Variants in SPRED1 observed in about 807,000 individuals in gnomAD.
The protein encoded by SPRED1 is sprouty-related, EVH1 domain-containing protein 1.
In SPRED1, 18 loss-of-function variants were observed where a neutral mutation model predicts 52.3. The ratio of observed to expected loss-of-function variants is 0.34; its 90% confidence interval spans 0.24 to 0.51. SPRED1 has a LOEUF of 0.51. Among genes scored for constraint, SPRED1 ranks in the 20% least tolerant of loss-of-function variants. The pLI is 0.97. For missense variants in SPRED1, 485 were observed against 551.0 expected (o/e 0.88, Z 1.20); for synonymous variants, 155 against 179.7 (o/e 0.86, Z 1.10).
chr15:38,275,409 T>C (rs7180363), intron 1 of SPRED1, among the ~76,000 whole-genome samples: 5,055 of 152,278 alleles, frequency 0.033, 287 homozygotes, highest in African/African-American at 0.12. Flanking sequence ...TTAAAGAAGC[T>C]CTAGTTCCTT....
chr15:38,275,560 T>C (rs7180580), intron 1 of SPRED1, among the ~76,000 whole-genome samples: 145,988 of 152,242 alleles, frequency 0.96, 70,270 homozygotes, highest in East Asian at 1. Flanking sequence ...TGCAATGGCG[T>C]GATCTTGGCT....
At chr15:38,257,337 G>A (rs1451913903) in intron 1 of SPRED1, among the ~76,000 whole-genome samples, 1 of 152,076 alleles carries the variant, frequency 6.6e-6, no homozygotes, top group East Asian at 1.9e-4. Flanking sequence ...TGAATTAATG[G>A]AGCCTCATTA....
chr15:38,314,744 T>C (rs187966140), intron 2 of SPRED1, among the ~76,000 whole-genome samples: 140 of 152,042 alleles, frequency 9.2e-4, no homozygotes, highest in Admixed American at 2.4e-3. Context: ...TAACTTGCTG[T>C]TTTTTATATT....
At chr15:38,327,007 A>T (rs1895719467) in intron 4 of SPRED1, among the ~76,000 whole-genome samples, 1 of 152,212 alleles carries the variant, frequency 6.6e-6, no homozygotes, top group Non-Finnish European at 1.5e-5. Flanking sequence ...CAAGAAGGTC[A>T]CATGGCAGTT....
chr15:38,296,691 C>G (rs999587685), intron 1 of SPRED1, among the ~76,000 whole-genome samples: 4 of 152,174 alleles, frequency 2.6e-5, no homozygotes, highest in African/African-American at 9.7e-5. Flanking sequence ...CCAAATCTCT[C>G]TATTCATCTT....
Position 38,287,166 on chromosome 15 carries a change from A to G in SPRED1, c.33-12207A>G, listed in dbSNP as rs1365499853. Among the ~76,000 whole-genome samples the G allele has an allele frequency of 9.2e-5, 14 of 152,210 alleles. 1 individual carries two copies. Among genetic ancestry groups the G allele is most frequent in the Admixed American group, 9.2e-4 (14 of 15,268 alleles). On this transcript the variant is annotated intron_variant, in intron 1 of 6. Transcript: ENST00000299084. ...AGACTAGAAACAATTGAAAAAACAG[A>G]AAAATGCAACAGAGGTCAGAGTTTT...
rs141936733 is a variant in SPRED1 at position 38,279,618 on chromosome 15, C to G, written c.33-19755C>G. Among the ~76,000 whole-genome samples the G allele has an allele frequency of 4.3e-3, 658 of 152,276 alleles. 4 individuals carry two copies. Among genetic ancestry groups the G allele is most frequent in the African/African-American group, 0.015 (637 of 41,548 alleles). ...TCTTTTACTTACCAGTTATGTGGTT[C>G]TGGACTTCTGTAAGCCATAGTTTCC... On this transcript the variant is annotated intron_variant, in intron 1 of 6. Coordinates refer to ENST00000299084, the MANE Select transcript of SPRED1 (RefSeq NM_152594.3).
chr15:38,253,003 G>T lies in SPRED1; in HGVS notation c.-183G>T. ...GGTTGCTGCCGCCACCCCCCTGCGGGGGTGGCCGGGGTTCCCGGCTGGGGG... is the reference window on the plus strand; with the variant it reads ...GGTTGCTGCCGCCACCCCCCTGCGGTGGTGGCCGGGGTTCCCGGCTGGGGG... On this transcript the variant is annotated 5_prime_UTR_variant, in exon 1 of 7. Transcript: ENST00000299084. 1 of 626,954 alleles carries T rather than the reference G, an allele frequency of 1.6e-6. No individual in the cohort carries two copies. The highest frequency in any genetic ancestry group is 2.9e-6 in the Non-Finnish European group (1 of 350,852). 38.8% of individuals were successfully genotyped at this position (626,954 alleles called of 1,614,324 possible). A position where few individuals can be genotyped will look rare whatever the true frequency, so the allele number is the denominator to read the frequency against.
At chr15:38,286,226 CAAAAAAAAAA>C (rs368405955) in intron 1 of SPRED1, among the ~76,000 whole-genome samples, 1 of 89,594 alleles carries the variant, frequency 1.1e-5, no homozygotes, top group African/African-American at 4.3e-5. Flanking sequence ...ACTCCAGCCT[CAAAAAAAAAA>C]AAAAAAAAAA....
chr15:38,271,149 CA>C (rs1481866636), intron 1 of SPRED1, among the ~76,000 whole-genome samples: 1 of 152,120 alleles, frequency 6.6e-6, no homozygotes, highest in Admixed American at 6.5e-5. Context: ...TGTATCATGC[CA>C]AAGTGTGATA....
At chr15:38,271,400 C>T (rs1894431658) in intron 1 of SPRED1, among the ~76,000 whole-genome samples, 1 of 152,162 alleles carries the variant, frequency 6.6e-6, no homozygotes, top group Non-Finnish European at 1.5e-5. Context: ...TTAGTAGTCA[C>T]ATTTAGTCCA....
intron 1 of SPRED1, among the ~76,000 whole-genome samples, chr15:38,280,703 T>C (rs1235104035): frequency 2.0e-5 from 3 of 152,164 alleles, no homozygotes; most frequent in Non-Finnish European, 4.4e-5. Flanking sequence ...TCTTTGATAA[T>C]CAAAAGCCCT....
chr15:38,316,674 A>G (rs1036220832), intron 2 of SPRED1, among the ~76,000 whole-genome samples: 1 of 150,402 alleles, frequency 6.6e-6, no homozygotes, highest in Non-Finnish European at 1.5e-5. Flanking sequence ...ATTTTTCTTC[A>G]TGCAATCAGT....
rs527321328 is a variant in SPRED1 at position 38,350,440 on chromosome 15, G to T, written c.685-574G>T. On this transcript the variant is annotated intron_variant, in intron 6 of 6. Coordinates refer to ENST00000299084, the MANE Select transcript of SPRED1 (RefSeq NM_152594.3). ...AAAGGCTCTATATCCAAATACAGTC[G>T]CATTACTGGAGGTTAGGGCTTCAGC... is the stretch of plus-strand genomic sequence containing the variant. Among the ~76,000 whole-genome samples, 4 of 152,116 alleles carry T rather than the reference G, an allele frequency of 2.6e-5. No homozygotes were observed. The East Asian group carries it at 5.8e-4, about 22-fold the overall frequency.
chr15:38,340,168 A>G (rs753119177), intron 5 of SPRED1, among the ~76,000 whole-genome samples: 2 of 152,232 alleles, frequency 1.3e-5, no homozygotes, highest in African/African-American at 4.8e-5. Flanking sequence ...CTCACAGGAA[A>G]GCTTTCAATA....
At chr15:38,345,956 T>A (rs1368854036) in intron 5 of SPRED1, among the ~76,000 whole-genome samples, 1 of 152,212 alleles carries the variant, frequency 6.6e-6, no homozygotes, top group Non-Finnish European at 1.5e-5. Context: ...AATTGTCAAC[T>A]ACGCTAGTTT....
intron 2 of SPRED1, among the ~76,000 whole-genome samples, chr15:38,304,167 A>C (rs1895204869): frequency 6.6e-6 from 1 of 152,194 alleles, no homozygotes; most frequent in Non-Finnish European, 1.5e-5. Flanking sequence ...ATTAAAAATG[A>C]GACTCACCCC....
intron 1 of SPRED1, chr15:38,283,524 C>CT (rs767219677): frequency 3.3e-5 from 32 of 984,006 alleles, no homozygotes; most frequent in Non-Finnish European, 3.9e-5. Flanking sequence ...ATGGAATCTG[C>CT]TTTTTTCAGT....
At chr15:38,290,205 A>G (rs1418773474) in intron 1 of SPRED1, among the ~76,000 whole-genome samples, 6 of 152,192 alleles carry the variant, frequency 3.9e-5, no homozygotes, top group Non-Finnish European at 8.8e-5. Flanking sequence ...AATACTTTTT[A>G]TAGTTCTCTT....
Sources: gnomAD v4.1 joint callset for allele counts (sites outside exome capture counted in the v4.1 genomes callset) on GRCh38, gnomAD v4.1.1 for gene constraint, MANE v1.5 for transcripts, NCBI Gene and HGNC (gene_info 2026-07-23, HGNC 2026-07-21) for gene names.